ARHGEF10: variants seen among roughly 807,000 people sequenced by gnomAD.
ARHGEF10 encodes Rho guanine nucleotide exchange factor 10.
A neutral mutation model predicts 147.4 loss-of-function variants in ARHGEF10; 140 were observed. The observed-to-expected ratio is 0.95, with a 90% CI of 0.83 to 1.09. The LOEUF (loss-of-function observed/expected upper bound fraction) is 1.09, where lower values mean the gene tolerates loss of function less well. Among genes scored for constraint, ARHGEF10 ranks in the 50% least tolerant of loss-of-function variants. The probability of loss-of-function intolerance (pLI) is 0.00; values close to 1 mark genes in which losing one functional copy is unlikely to be tolerated. For missense variants in ARHGEF10, 2,222 were observed against 1,752.7 expected (o/e 1.27, Z -4.78); for synonymous variants, 902 against 695.8 (o/e 1.30, Z -4.67).
chr8:1,826,825 G>A (rs943513155), intron 1 of ARHGEF10, among the ~76,000 whole-genome samples: 2 of 152,220 alleles, frequency 1.3e-5, no homozygotes, highest in Non-Finnish European at 2.9e-5. Flanking sequence ...TCATGCGTGC[G>A]TTGCTTATAG....
At chr8:1,829,086 G>C (rs1036462019) in intron 1 of ARHGEF10, among the ~76,000 whole-genome samples, 5 of 152,362 alleles carry the variant, frequency 3.3e-5, no homozygotes, top group South Asian at 2.1e-4. Context: ...AGCACACCTG[G>C]GGGGCGGCCA....
chr8:1,852,088 T>C (rs2129062366), intron 2 of ARHGEF10, among the ~76,000 whole-genome samples: 1 of 152,156 alleles, frequency 6.6e-6, no homozygotes, highest in East Asian at 1.9e-4. Flanking sequence ...GGCTCAGGTG[T>C]CTACAAAACT....
chr8:1,909,552 C>T lies in ARHGEF10; in HGVS notation c.2143+82C>T, dbSNP rs1811202592. 3 of 1,568,992 alleles carry T rather than the reference C, an allele frequency of 1.9e-6. No homozygotes were observed. The South Asian group carries it at 3.4e-5, about 18-fold the overall frequency. On this transcript the variant is annotated intron_variant, in intron 18 of 28. Coordinates refer to ENST00000349830, the MANE Select transcript of ARHGEF10 (RefSeq NM_014629.4). The stretch of plus-strand genomic sequence containing the variant: ...ATGCTAGCTGTGGGGCCAGCGTAAG[C>T]TCCACCATCAGCAGGTTCAGGGTTT...
At chr8:1,890,290 G>A (rs181469291) in intron 11 of ARHGEF10, among the ~76,000 whole-genome samples, 1 of 148,762 alleles carries the variant, frequency 6.7e-6, no homozygotes, top group Non-Finnish European at 1.5e-5. Context: ...TGGGGTGAGG[G>A]TTCTGAGGAG....
At chr8:1,831,690 A>G (rs1803119877) in intron 1 of ARHGEF10, among the ~76,000 whole-genome samples, 2 of 152,232 alleles carry the variant, frequency 1.3e-5, no homozygotes, top group South Asian at 4.1e-4. Flanking sequence ...TGCTGGTGTC[A>G]GCGCCCACTG....
At chr8:1,925,432 G>A (rs909032909) in intron 22 of ARHGEF10, 28 bp downstream of exon 22, 5 of 1,612,862 alleles carry the variant, frequency 3.1e-6, no homozygotes, top group Non-Finnish European at 4.2e-6. Context: ...CCGCGGCCCG[G>A]GGTGGGACGC....
chr8:1,840,031 C>T lies in ARHGEF10; in HGVS notation c.-47-3322C>T, dbSNP rs1379860919. Among the ~76,000 whole-genome samples, 153 of 103,276 alleles carry T rather than the reference C, an allele frequency of 1.5e-3. 1 individual carries two copies. Among genetic ancestry groups the T allele is most frequent in the Middle Eastern group, 9.4e-3 (1 of 106 alleles). The allele number at this position is 103,276 out of a possible 152,430, so 67.8% of individuals were successfully genotyped here. A position where few individuals can be genotyped will look rare whatever the true frequency, so the allele number is the denominator to read the frequency against. Reference sequence around the variant, plus strand: ...GAAGCTGTCCGATATGGGGACTGTCCTGTGTGGAAGCTGTCCGATATGGGG... The same window carrying T: ...GAAGCTGTCCGATATGGGGACTGTCTTGTGTGGAAGCTGTCCGATATGGGG... On this transcript the variant is annotated intron_variant, in intron 1 of 28. Transcript: ENST00000349830.
intron 22 of ARHGEF10, among the ~76,000 whole-genome samples, chr8:1,925,752 C>A (rs546857836): frequency 6.6e-6 from 1 of 152,108 alleles, no homozygotes; most frequent in Admixed American, 6.5e-5. Context: ...CACAGTGGAT[C>A]GTAACTCCAG....
At chr8:1,863,263 C>A in intron 4 of ARHGEF10, among the ~76,000 whole-genome samples, 1 of 152,060 alleles carries the variant, frequency 6.6e-6, no homozygotes, top group East Asian at 1.9e-4. Flanking sequence ...CGCAGATCCA[C>A]CCCCCCAGCC....
chr8:1,823,567 G>T (rs1044163562), upstream of ARHGEF10, among the ~76,000 whole-genome samples: 14 of 152,126 alleles, frequency 9.2e-5, no homozygotes, highest in African/African-American at 3.4e-4. Context: ...CCCTCCCCAA[G>T]GGGCGCAGCT....
intron 11 of ARHGEF10, among the ~76,000 whole-genome samples, chr8:1,889,297 ATACTG>A (rs1809169149): frequency 9.8e-6 from 1 of 102,454 alleles, no homozygotes; most frequent in African/African-American, 4.1e-5. Context: ...TTGTGAGGAG[ATACTG>A]CATGGGGTGA....
At chr8:1,844,530 C>G (rs948537392) in intron 2 of ARHGEF10, among the ~76,000 whole-genome samples, 1 of 129,308 alleles carries the variant, frequency 7.7e-6, no homozygotes, top group African/African-American at 2.8e-5. Flanking sequence ...CCCACTCCTG[C>G]TGCCGGGGGT....
chr8:1,942,245 A>C (rs549758083), intron 26 of ARHGEF10, among the ~76,000 whole-genome samples: 1 of 149,122 alleles, frequency 6.7e-6, no homozygotes, highest in East Asian at 2.0e-4. Flanking sequence ...CAGAGCATCT[A>C]ACTCACTCTT....
chr8:1,944,081 A>ACCCCAGCCTCCCACACCATGTCG (rs1814337505), intron 26 of ARHGEF10, among the ~76,000 whole-genome samples: 1 of 139,672 alleles, frequency 7.2e-6, no homozygotes, highest in Non-Finnish European at 1.6e-5. Flanking sequence ...GCACCGTGTC[A>ACCCCAGCCTCCCACACCATGTCG]CCTCCCTCGG....
Position 1,948,587 on chromosome 8 carries a change from T to A in ARHGEF10, c.3397+2932T>A. Among the ~76,000 whole-genome samples, 1 of 152,130 alleles carries A rather than the reference T, an allele frequency of 6.6e-6. No homozygotes were observed. Among genetic ancestry groups the A allele is most frequent in the East Asian group, 1.9e-4 (1 of 5,178 alleles). ...GTGACACCAGAAGTTCAGTTTTGTT[T>A]GTGATGCTTCTGACAGTGATTCTCT... On this transcript the variant is annotated intron_variant, in intron 27 of 28. Transcript: ENST00000349830. This position sits in a 1 kb window ranked among gnomAD's most constrained non-coding sequence, Gnocchi z 4.9.
intron 11 of ARHGEF10, among the ~76,000 whole-genome samples, chr8:1,893,092 C>CAAAAAAAAA (rs34033686): frequency 3.9e-5 from 3 of 76,850 alleles, no homozygotes; most frequent in African/African-American, 8.7e-5. Context: ...AAGATCTTTG[C>CAAAAAAAAA]AAAAAAAAAA....
At chr8:1,894,148 C>T (rs1207148658) in intron 12 of ARHGEF10, among the ~76,000 whole-genome samples, 5 of 143,096 alleles carry the variant, frequency 3.5e-5, no homozygotes, top group Middle Eastern at 3.4e-3. Flanking sequence ...CACTCTAGCA[C>T]GGGTGACAGA....
rs1422928230 is a variant in ARHGEF10, at chr8:1,905,725, A to G, written c.1967+9A>G. On this transcript the variant is annotated intron_variant, in intron 17 of 28. Transcript: ENST00000349830. ...GCCACCGTCAGCTCACGGTAAGTGC[A>G]TAAATTCTCTATAGTAGTCCTACCA... 1.9e-6 allele frequency: 3 copies of G among 1,613,208 alleles called. No homozygotes were observed. Among genetic ancestry groups the G allele is most frequent in the African/African-American group, 1.3e-5 (1 of 75,070 alleles).
intron 1 of ARHGEF10, among the ~76,000 whole-genome samples, chr8:1,832,448 ACAGAGACAGAGG>A (rs1466067948): frequency 7.6e-4 from 114 of 149,730 alleles, no homozygotes; most frequent in African/African-American, 2.4e-3. Flanking sequence ...AGAGGCAGAG[ACAGAGACAGAGG>A]CAGAGACAGA....
Sources: allele counts gnomAD v4.1 joint callset (sites outside exome capture counted in the v4.1 genomes callset), GRCh38; gene constraint gnomAD v4.1.1; non-coding constraint Gnocchi (gnomAD v3.1); transcripts MANE v1.5; gene names NCBI Gene and HGNC (gene_info 2026-07-23, HGNC 2026-07-21).